Variants in RAB11A observed in about 807,000 individuals in gnomAD.
The protein encoded by RAB11A is ras-related protein Rab-11A.
RAB11A carries 9 observed loss-of-function variants against 28.0 expected under a neutral mutation model. The ratio of observed to expected loss-of-function variants is 0.32; its 90% CI spans 0.19 to 0.56. RAB11A has a LOEUF of 0.56. RAB11A is among the 20% of genes least tolerant of loss of function. The probability of loss-of-function intolerance (pLI) is 0.91; values close to 1 mark genes in which losing one functional copy is unlikely to be tolerated. For missense variants in RAB11A, 108 were observed against 269.6 expected (o/e 0.40, Z 4.20); for synonymous variants, 85 against 88.2 (o/e 0.96, Z 0.20).
At chr15:65,884,916 C>T (rs1953377495) in intron 4 of RAB11A, among the ~76,000 whole-genome samples, 1 of 150,910 alleles carries the variant, frequency 6.6e-6, no homozygotes, top group Non-Finnish European at 1.5e-5. Flanking sequence ...GCATGTTCTC[C>T]TTTAGAACCA....
chr15:65,885,660 T>C (rs958298494), intron 4 of RAB11A, among the ~76,000 whole-genome samples: 3 of 152,192 alleles, frequency 2.0e-5, no homozygotes, highest in Admixed American at 1.3e-4. Context: ...AGAAAAAGAA[T>C]CCTGCTTTAT....
chr15:65,872,371 A>G (rs1358872787), intron 1 of RAB11A, among the ~76,000 whole-genome samples: 3 of 150,418 alleles, frequency 2.0e-5, no homozygotes, highest in Admixed American at 6.6e-5. Flanking sequence ...TTATGGTTTC[A>G]TTTTGTTGTG....
intron 4 of RAB11A, among the ~76,000 whole-genome samples, chr15:65,883,830 AGCC>A (rs1298160722): frequency 1.3e-5 from 2 of 152,132 alleles, no homozygotes; most frequent in Non-Finnish European, 2.9e-5. Flanking sequence ...TACAGGTGTG[AGCC>A]ACCGCCCCTG....
intron 1 of RAB11A, 90 bp downstream of exon 1, chr15:65,869,715 T>C: frequency 7.5e-7 from 1 of 1,337,194 alleles, no homozygotes; most frequent in Non-Finnish European, 1.0e-6. Context: ...ACCCCTGCAC[T>C]GATATAGGCC....
intron 1 of RAB11A, among the ~76,000 whole-genome samples, chr15:65,870,448 C>T (rs2078152880): frequency 6.6e-6 from 1 of 152,220 alleles, no homozygotes; most frequent in South Asian, 2.1e-4. Context: ...CATTACTTCC[C>T]ACCTAGCCTT....
chr15:65,887,063 T>C (rs1200533476), intron 4 of RAB11A, among the ~76,000 whole-genome samples: 3 of 152,196 alleles, frequency 2.0e-5, no homozygotes, highest in African/African-American at 7.2e-5. Flanking sequence ...TGTCATTGTG[T>C]GTAGGCAATT....
At position 65,869,533 on chromosome 15, in the gene RAB11A, C is replaced by G. The variant is rs922512087; in HGVS notation, c.-53C>G. 1 of 1,597,964 alleles carries G rather than the reference C, an allele frequency of 6.3e-7. No individual in the cohort carries two copies. On this transcript the variant is annotated 5_prime_UTR_variant, in exon 1 of 5. Coordinates refer to ENST00000261890, the MANE Select transcript of RAB11A (RefSeq NM_004663.5). ...CGGGTTACCCCTGCAGCGACGCCCCCTGGTCCCACAGATACCACTGCTGCT... is the reference window on the plus strand; with the variant it reads ...CGGGTTACCCCTGCAGCGACGCCCCGTGGTCCCACAGATACCACTGCTGCT...
In RAB11A at chr15:65,889,833, G is replaced by C. The variant is rs770020542; in HGVS notation, c.*1993G>C. On this transcript the variant is annotated 3_prime_UTR_variant, in exon 5 of 5. Transcript: ENST00000261890. ...TTACCCAAGTGTAGACTTAAATGTTGCTTTGAGTATGGCTGGATCTTGGGA... is the reference window on the plus strand; with the variant it reads ...TTACCCAAGTGTAGACTTAAATGTTCCTTTGAGTATGGCTGGATCTTGGGA... The C allele has an allele frequency of 1.1e-4, 17 of 152,160 alleles. No homozygotes were observed. Among genetic ancestry groups the C allele is most frequent in the Admixed American group, 2.0e-4 (3 of 15,278 alleles). The allele number at this position is 152,160 out of a possible 1,614,324, so 9.4% of individuals were successfully genotyped here. A position where few individuals can be genotyped will look rare whatever the true frequency, so the allele number is the denominator to read the frequency against.
chr15:65,871,919 GTTTTTTTTTTTTT>G (rs960414631), intron 1 of RAB11A, among the ~76,000 whole-genome samples: 21 of 72,052 alleles, frequency 2.9e-4, no homozygotes, highest in African/African-American at 6.7e-4. Context: ...GGTTTTGTCA[GTTTTTTTTTTTTT>G]TTTTTTTTTT....
chr15:65,877,666 G>C lies in RAB11A; in HGVS notation c.237-96G>C, dbSNP rs2078198036. 2 of 1,341,052 alleles carry C rather than the reference G, an allele frequency of 1.5e-6. No individual in the cohort carries two copies. The highest frequency in any genetic ancestry group is 1.0e-6 in the Non-Finnish European group (1 of 985,596). The allele number at this position is 1,341,052 out of a possible 1,614,324, so 83.1% of individuals were successfully genotyped here. ...GGAATCCTTAGAAATTTATTTATAA[G>C]TATGTTTTTAAAACTCATGATCCAT... On this transcript the variant is annotated intron_variant, in intron 2 of 4. Coordinates refer to ENST00000261890, the MANE Select transcript of RAB11A (RefSeq NM_004663.5). The surrounding 1 kb of genome is among the most constrained non-coding windows in gnomAD (Gnocchi z 4.1).
chr15:65,878,169 A>G lies in RAB11A; in HGVS notation c.430+214A>G, dbSNP rs1323983198. The G allele has an allele frequency of 1.6e-5, 10 of 617,246 alleles. 1 individual carries two copies. The highest frequency in any genetic ancestry group is 1.1e-4 in the South Asian group (6 of 56,794). 38.2% of individuals were successfully genotyped at this position (617,246 alleles called of 1,614,324 possible). ...GCCAAAAAATGAATATAAACATTGTATATTCTGTCTCTTTTTCTGTTATGT... is the reference window on the plus strand; with the variant it reads ...GCCAAAAAATGAATATAAACATTGTGTATTCTGTCTCTTTTTCTGTTATGT... On this transcript the variant is annotated intron_variant, in intron 3 of 4. Transcript: ENST00000261890.
intron 4 of RAB11A, among the ~76,000 whole-genome samples, chr15:65,882,841 C>A (rs2078231128): frequency 1.3e-5 from 2 of 152,132 alleles, no homozygotes; most frequent in African/African-American, 4.8e-5. Context: ...TTAATACATA[C>A]CTTTTACTTT....
At chr15:65,870,373 A>AG (rs1417824357) in intron 1 of RAB11A, among the ~76,000 whole-genome samples, 1 of 152,132 alleles carries the variant, frequency 6.6e-6, no homozygotes, top group Non-Finnish European at 1.5e-5. Flanking sequence ...GGGTGGTGGG[A>AG]GGGAGGGTAA....
Position 65,888,131 on chromosome 15 carries a change from C to A in RAB11A, c.*291C>A. ...TGGAAGCCTGTCACTGTATGTAGGA[C>A]ATAATAGAACTTGATCACTTGAAGC... On this transcript the variant is annotated 3_prime_UTR_variant, in exon 5 of 5. Coordinates refer to ENST00000261890, the MANE Select transcript of RAB11A (RefSeq NM_004663.5). The A allele has an allele frequency of 1.2e-5, 3 of 249,058 alleles. No homozygotes were observed. Among genetic ancestry groups the A allele is most frequent in the Non-Finnish European group, 2.3e-5 (3 of 131,452 alleles). 15.4% of individuals were successfully genotyped at this position (249,058 alleles called of 1,614,324 possible). A position where few individuals can be genotyped will look rare whatever the true frequency, so the allele number is the denominator to read the frequency against.
intron 4 of RAB11A, 134 bp downstream of exon 4, chr15:65,879,885 GT>G: frequency 3.2e-6 from 2 of 632,240 alleles, no homozygotes; most frequent in Non-Finnish European, 5.2e-6. Flanking sequence ...AGCAAAAGCT[GT>G]TTAGAGTGCA....
intron 4 of RAB11A, among the ~76,000 whole-genome samples, chr15:65,886,851 TAG>T (rs757688145): frequency 9.2e-5 from 14 of 152,346 alleles, no homozygotes; most frequent in Non-Finnish European, 1.8e-4. Context: ...GAAATAAAAA[TAG>T]AGTTTACATA....
chr15:65,883,526 A>G (rs2078235609), intron 4 of RAB11A, among the ~76,000 whole-genome samples: 1 of 152,234 alleles, frequency 6.6e-6, no homozygotes, highest in African/African-American at 2.4e-5. Flanking sequence ...CCACTTGGTT[A>G]AGGTGATGTC....
chr15:65,870,964 A>G (rs891615104), intron 1 of RAB11A, among the ~76,000 whole-genome samples: 3 of 152,120 alleles, frequency 2.0e-5, no homozygotes, highest in Admixed American at 2.0e-4. Context: ...TCTCACTCTG[A>G]TGCTCTTTCT....
chr15:65,869,688 G>T lies in RAB11A; in HGVS notation c.40+63G>T, dbSNP rs757540769. On this transcript the variant is annotated intron_variant, in intron 1 of 4. Coordinates refer to ENST00000261890, the MANE Select transcript of RAB11A (RefSeq NM_004663.5). ...TTCGGGGACCCGGGCCACTCCCGGT[G>T]GACCCTCGTGCCGGCCACCCCTGCA... 1.5e-4 allele frequency: 238 copies of T among 1,549,170 alleles called. 1 individual carries two copies. Among genetic ancestry groups the T allele is most frequent in the Non-Finnish European group, 2.1e-4 (234 of 1,131,228 alleles).
Sources: allele counts gnomAD v4.1 joint callset (sites outside exome capture counted in the v4.1 genomes callset), GRCh38; gene constraint gnomAD v4.1.1; non-coding constraint Gnocchi (gnomAD v3.1); transcripts MANE v1.5; gene names NCBI Gene and HGNC (gene_info 2026-07-23, HGNC 2026-07-21).